The following MECOM variants were observed in gnomAD, a reference collection of about 807,000 sequenced individuals.
MECOM encodes the protein histone-lysine N-methyltransferase MECOM.
MECOM carries 13 observed loss-of-function variants against 116.3 expected under a neutral mutation model. The ratio of observed to expected loss-of-function variants is 0.11; its 90% CI spans 0.07 to 0.18. The LOEUF is 0.18. Among genes scored for constraint, MECOM ranks in the 10% least tolerant of loss-of-function variants. The pLI is 1.00. For missense variants in MECOM, 1,299 were observed against 1,509.0 expected, an observed-to-expected ratio of 0.86 and a Z score of 2.31; for synonymous variants, 528 against 535.2, an observed-to-expected ratio of 0.99 and a Z score of 0.19.
intron 1 of MECOM, among the ~76,000 whole-genome samples, chr3:169,546,396 G>A (rs1190983451): frequency 1.3e-5 from 2 of 152,160 alleles, no homozygotes; most frequent in Admixed American, 6.5e-5. Context: ...GATGGAAGGG[G>A]CTTTTAAAAG....
chr3:169,182,076 G>A (rs1746038517), intron 2 of MECOM, among the ~76,000 whole-genome samples: 1 of 152,172 alleles, frequency 6.6e-6, no homozygotes, highest in Non-Finnish European at 1.5e-5. Flanking sequence ...ATCTTGCTAG[G>A]TGCTACAGCT....
chr3:169,238,174 C>CAAAAAAAAA (rs869078937), intron 2 of MECOM, among the ~76,000 whole-genome samples: 4 of 72,078 alleles, frequency 5.5e-5, no homozygotes, highest in African/African-American at 1.3e-4. Flanking sequence ...GACTCCATCT[C>CAAAAAAAAA]AAAAAAAAAA....
chr3:169,407,554 C>A (rs950206130), intron 1 of MECOM, among the ~76,000 whole-genome samples: 1 of 152,146 alleles, frequency 6.6e-6, no homozygotes, highest in African/African-American at 2.4e-5. Context: ...AATAAAACTA[C>A]AACAAAATGT....
At chr3:169,103,464 G>A (rs1415856162) in intron 10 of MECOM, among the ~76,000 whole-genome samples, 1 of 152,150 alleles carries the variant, frequency 6.6e-6, no homozygotes, top group Non-Finnish European at 1.5e-5. Flanking sequence ...AGGGCAGTGT[G>A]CCATTAGAAA....
intron 1 of MECOM, among the ~76,000 whole-genome samples, chr3:169,445,982 T>A (rs1158829330): frequency 2.0e-5 from 3 of 152,254 alleles, no homozygotes; most frequent in African/African-American, 7.2e-5. Context: ...CTAATACCTG[T>A]ACCCCCATTG....
At position 169,095,170 on chromosome 3, in the gene MECOM, C is replaced by A. The variant is rs1560125480; in HGVS notation, c.2925G>T (p.Glu975Asp). The A allele has an allele frequency of 1.9e-6, 3 of 1,613,532 alleles. No homozygotes were observed. Among genetic ancestry groups the A allele is most frequent in the Non-Finnish European group, 2.5e-6 (3 of 1,179,838 alleles). The stretch of plus-strand genomic sequence containing the variant: ...CACATAAGTGACACTTAAATGGCTT[C>A]TCTTTATTGTGGATGTTGCGAACAT... ...QRHVRNIHNKEKPFKCHLCDR... is the reference protein window; with the variant it reads ...QRHVRNIHNKDKPFKCHLCDR... The change falls in exon 13 of 17, where the codon GAG (glutamate) becomes GAT (aspartate). Residue 975 changes from glutamate to aspartate, a missense_variant. Glu to Asp is a conservative substitution (Grantham distance 45, BLOSUM62 2). Transcript: ENST00000651503.
intron 2 of MECOM, among the ~76,000 whole-genome samples, chr3:169,286,121 C>T (rs1407292535): frequency 6.6e-6 from 1 of 152,152 alleles, no homozygotes; most frequent in Non-Finnish European, 1.5e-5. Context: ...CTGAATCATC[C>T]ACAGTGAAAT....
chr3:169,192,861 G>A (rs1183153190), intron 2 of MECOM, among the ~76,000 whole-genome samples: 1 of 152,044 alleles, frequency 6.6e-6, no homozygotes, highest in Non-Finnish European at 1.5e-5. Context: ...ACAAAACATA[G>A]AAGTGATATC....
At chr3:169,269,975 TG>T (rs1758738367) in intron 2 of MECOM, among the ~76,000 whole-genome samples, 1 of 152,068 alleles carries the variant, frequency 6.6e-6, no homozygotes, top group African/African-American at 2.4e-5. Flanking sequence ...AAGGTGTGTG[TG>T]TGTGTGTGTG....
intron 1 of MECOM, among the ~76,000 whole-genome samples, chr3:169,576,053 C>G (rs1323306753): frequency 1.3e-5 from 2 of 152,136 alleles, no homozygotes; most frequent in African/African-American, 4.8e-5. Flanking sequence ...TACAGTGATG[C>G]AGGGTAGGAG....
At chr3:169,139,891 C>A (rs1198341201) in intron 3 of MECOM, among the ~76,000 whole-genome samples, 1 of 151,074 alleles carries the variant, frequency 6.6e-6, no homozygotes, top group African/African-American at 2.4e-5. Context: ...GTCCACCAAT[C>A]AAAATGGTTT....
At chr3:169,464,808 T>A (rs73879074) in intron 1 of MECOM, among the ~76,000 whole-genome samples, 1,879 of 152,198 alleles carry the variant, frequency 0.012, 35 homozygotes, top group African/African-American at 0.043. Flanking sequence ...AATCATCAGA[T>A]CTTTGTCTTT....
chr3:169,544,930 A>T (rs1760530909), intron 1 of MECOM, among the ~76,000 whole-genome samples: 1 of 152,210 alleles, frequency 6.6e-6, no homozygotes, highest in Non-Finnish European at 1.5e-5. Flanking sequence ...TGCAGGGCTT[A>T]AAACCTAGAT....
intron 2 of MECOM, among the ~76,000 whole-genome samples, chr3:169,280,405 T>A (rs1711675995): frequency 1.3e-5 from 2 of 152,194 alleles, no homozygotes; most frequent in Admixed American, 6.5e-5. Context: ...ATCTAGTGTA[T>A]TCATTCAACA....
chr3:169,515,309 A>G (rs1299066667), intron 1 of MECOM, among the ~76,000 whole-genome samples: 1 of 152,188 alleles, frequency 6.6e-6, no homozygotes, highest in African/African-American at 2.4e-5. Context: ...GTGTCTGCCC[A>G]TGTTTCTGAG....
intron 1 of MECOM, among the ~76,000 whole-genome samples, chr3:169,538,820 T>C (rs982638347): frequency 6.6e-6 from 1 of 152,102 alleles, no homozygotes; most frequent in Non-Finnish European, 1.5e-5. Flanking sequence ...CTATATTCTC[T>C]TGCCACCCAC....
intron 2 of MECOM, chr3:169,146,953 T>C: frequency 9.9e-7 from 1 of 1,005,698 alleles, no homozygotes; most frequent in African/African-American, 1.7e-5. Flanking sequence ...GGATCTGCTC[T>C]CCAGGACCAC....
chr3:169,102,061 T>G lies in MECOM; in HGVS notation c.2770A>C (p.Arg924=). ...AGCCATAATTAACTGTGCAGTTACC[T>G]GCAGGTATAGCGCTCCTTTCCCTTC... The part of the protein sequence containing the change: ...LRKGKERYTC[R]YCGKIFPRSA... Residue 924 remains arginine (R), a splice_region_variant and synonymous_variant, in exon 11 of 17, where the codon AGA becomes CGA. Transcript: ENST00000651503. The G allele has an allele frequency of 6.2e-7, 1 of 1,611,354 alleles. No individual in the cohort carries two copies. Among genetic ancestry groups the G allele is most frequent in the Non-Finnish European group, 8.5e-7 (1 of 1,179,152 alleles).
At chr3:169,236,528 GT>G (rs1002023410) in intron 2 of MECOM, among the ~76,000 whole-genome samples, 1 of 152,106 alleles carries the variant, frequency 6.6e-6, no homozygotes, top group Non-Finnish European at 1.5e-5. Flanking sequence ...TTTTAAGTAA[GT>G]TTTTAACACC....
Sources: gnomAD v4.1 joint callset for allele counts (sites outside exome capture counted in the v4.1 genomes callset) on GRCh38, gnomAD v4.1.1 for gene constraint, MANE v1.5 for transcripts, NCBI Gene and HGNC (gene_info 2026-07-23, HGNC 2026-07-21) for gene names.